Variants in SULF2 observed in about 807,000 individuals in gnomAD.
SULF2 encodes extracellular sulfatase Sulf-2.
Under a neutral mutation model 107.7 loss-of-function variants are expected in SULF2, and 52 were observed. That is an observed-to-expected ratio of 0.48 (90% CI 0.39 to 0.61). The LOEUF (loss-of-function observed/expected upper bound fraction) is 0.61. SULF2 is among the 20% of genes least tolerant of loss of function. The probability of loss-of-function intolerance (pLI) is 0.00; values close to 1 mark genes in which losing one functional copy is unlikely to be tolerated. For missense variants in SULF2, 993 were observed against 1,177.3 expected, an observed-to-expected ratio of 0.84 and a Z score of 2.29; for synonymous variants, 460 against 464.3, an observed-to-expected ratio of 0.99 and a Z score of 0.12.
chr20:47,770,218 G>T, intron 1 of SULF2, among the ~76,000 whole-genome samples: 1 of 151,948 alleles, frequency 6.6e-6, no homozygotes, highest in East Asian at 1.9e-4. Context: ...GGACAACCAT[G>T]CCCGATTACT....
chr20:47,711,962 C>A (rs893194090), intron 3 of SULF2, among the ~76,000 whole-genome samples: 1 of 152,168 alleles, frequency 6.6e-6, no homozygotes, highest in African/African-American at 2.4e-5. Context: ...TTCACATATA[C>A]ACAATGCATG....
intron 6 of SULF2, 38 bp from the exon 7 acceptor site, chr20:47,683,207 T>C (rs2087887423): frequency 6.5e-7 from 1 of 1,538,870 alleles, no homozygotes. Context: ...CAGTGGGGAC[T>C]GGGTGCCTGG....
At chr20:47,759,946 T>G (rs2090382216) in intron 1 of SULF2, among the ~76,000 whole-genome samples, 1 of 152,248 alleles carries the variant, frequency 6.6e-6, no homozygotes, top group Non-Finnish European at 1.5e-5. Flanking sequence ...CAGGCTTATG[T>G]TATTCATGGC....
At chr20:47,675,268 C>T (rs1257034807) in intron 10 of SULF2, among the ~76,000 whole-genome samples, 1 of 152,144 alleles carries the variant, frequency 6.6e-6, no homozygotes, top group South Asian at 2.1e-4. Flanking sequence ...GAACTCTCTC[C>T]AGAACATCAG....
intron 3 of SULF2, among the ~76,000 whole-genome samples, chr20:47,725,150 T>C (rs952123841): frequency 6.6e-6 from 1 of 152,324 alleles, no homozygotes; most frequent in South Asian, 2.1e-4. Context: ...CGGGCGACAT[T>C]TGCCATTCAA....
At chr20:47,780,019 T>TTA (rs1568936262) in intron 1 of SULF2, among the ~76,000 whole-genome samples, 1 of 145,408 alleles carries the variant, frequency 6.9e-6, no homozygotes, top group African/African-American at 2.7e-5. Flanking sequence ...AGTTGACTTT[T>TTA]TTTTTTTTTT....
At chr20:47,723,708 A>C (rs182854696) in intron 3 of SULF2, among the ~76,000 whole-genome samples, 1 of 152,218 alleles carries the variant, frequency 6.6e-6, no homozygotes, top group African/African-American at 2.4e-5. Context: ...CTAATGCCTG[A>C]TGATCTGTCA....
chr20:47,705,475 A>G (rs2088701872), intron 3 of SULF2, among the ~76,000 whole-genome samples: 1 of 152,190 alleles, frequency 6.6e-6, no homozygotes, highest in Non-Finnish European at 1.5e-5. Context: ...GATGGAGTGG[A>G]GGCAGCATGA....
intron 3 of SULF2, among the ~76,000 whole-genome samples, chr20:47,734,387 T>C (rs2089681858): frequency 6.6e-6 from 1 of 152,256 alleles, no homozygotes. Flanking sequence ...TATTCTAATA[T>C]GTATGTACAA....
chr20:47,761,246 C>G (rs2090412469), intron 1 of SULF2, among the ~76,000 whole-genome samples: 1 of 152,172 alleles, frequency 6.6e-6, no homozygotes, highest in Non-Finnish European at 1.5e-5. Context: ...CATTACTGTC[C>G]TAAGGCCACC....
chr20:47,784,478 G>A (rs914809282), intron 1 of SULF2, among the ~76,000 whole-genome samples: 1 of 152,004 alleles, frequency 6.6e-6, no homozygotes, highest in African/African-American at 2.4e-5. Context: ...GCGTGCAGGT[G>A]GGGGAGTTGC....
chr20:47,768,962 C>A (rs2090577421), intron 1 of SULF2, among the ~76,000 whole-genome samples: 1 of 149,666 alleles, frequency 6.7e-6, no homozygotes, highest in South Asian at 2.1e-4. Context: ...CTCACTGCAA[C>A]CTCCACCTCC....
At chr20:47,724,648 G>A (rs950087429) in intron 3 of SULF2, among the ~76,000 whole-genome samples, 1 of 152,218 alleles carries the variant, frequency 6.6e-6, no homozygotes, top group Non-Finnish European at 1.5e-5. Flanking sequence ...GAGTCACCAC[G>A]AGGACAAGCT....
At chr20:47,681,283 A>G (rs2087815380) in intron 7 of SULF2, among the ~76,000 whole-genome samples, 1 of 152,160 alleles carries the variant, frequency 6.6e-6, no homozygotes, top group Admixed American at 6.5e-5. Context: ...TACATGCCTT[A>G]TCTGGTTCAA....
chr20:47,718,764 G>A (rs1156328284), intron 3 of SULF2, among the ~76,000 whole-genome samples: 1 of 152,184 alleles, frequency 6.6e-6, no homozygotes, highest in Non-Finnish European at 1.5e-5. Context: ...ACTGGGAGGG[G>A]CAGAGTTGGG....
chr20:47,765,827 A>G (rs2146948500), intron 1 of SULF2, among the ~76,000 whole-genome samples: 1 of 152,344 alleles, frequency 6.6e-6, no homozygotes, highest in South Asian at 2.1e-4. Flanking sequence ...TTTGACACTT[A>G]TGCTGACTTG....
chr20:47,778,254 C>G (rs377299334), intron 1 of SULF2, among the ~76,000 whole-genome samples: 1 of 152,266 alleles, frequency 6.6e-6, no homozygotes, highest in Non-Finnish European at 1.5e-5. Context: ...CCTAACACAT[C>G]TGGCTTCCAC....
At chr20:47,671,850 G>A (rs1484219684) in intron 11 of SULF2, among the ~76,000 whole-genome samples, 1 of 151,956 alleles carries the variant, frequency 6.6e-6, no homozygotes, top group Non-Finnish European at 1.5e-5. Context: ...AAGTAGCTGG[G>A]ATTACAAGCG....
chr20:47,758,162 CTTTTTTTTTT>C (rs373618271), intron 1 of SULF2, among the ~76,000 whole-genome samples: 16 of 122,448 alleles, frequency 1.3e-4, no homozygotes, highest in Middle Eastern at 4.8e-3. Flanking sequence ...AAAAGTATTC[CTTTTTTTTTT>C]TTTTTTTTTT....
Sources: gnomAD v4.1 joint callset for allele counts (sites outside exome capture counted in the v4.1 genomes callset) on GRCh38, gnomAD v4.1.1 for gene constraint, MANE v1.5 for transcripts, NCBI Gene and HGNC (gene_info 2026-07-23, HGNC 2026-07-21) for gene names.